The following SLC9D1 variants were observed in gnomAD, a reference collection of about 807,000 sequenced individuals.
SLC9D1 encodes putative LAG1-interacting protein.
At chr13:113,503,669 T>A in the SLC9D1 span, 1 of 794,874 alleles carries the variant, frequency 1.3e-6, no homozygotes, top group Non-Finnish European at 2.1e-6. Context: ...TAACACTTGT[T>A]GATGAATTCA....
chr13:113,547,346 G>C, the SLC9D1 span: 3 of 1,614,188 alleles, frequency 1.9e-6, no homozygotes, highest in Non-Finnish European at 2.5e-6. Context: ...TCACGGTGCT[G>C]GTGTTCCTCA....
chr13:113,520,271 G>A, the SLC9D1 span, among the ~76,000 whole-genome samples: 2 of 152,120 alleles, frequency 1.3e-5, no homozygotes, highest in East Asian at 1.9e-4. Flanking sequence ...GGATCACAAG[G>A]TCAGGAGTTT....
chr13:113,494,363 G>A, the SLC9D1 span, among the ~76,000 whole-genome samples: 4 of 151,950 alleles, frequency 2.6e-5, no homozygotes, highest in Non-Finnish European at 5.9e-5. Context: ...CTCTCAGCTC[G>A]TTCTGCCTTA....
At chr13:113,549,263 C>A in the SLC9D1 span, among the ~76,000 whole-genome samples, 3 of 151,704 alleles carry the variant, frequency 2.0e-5, no homozygotes. Flanking sequence ...CCCACCCCCC[C>A]GTGCAGGCAT....
chr13:113,519,044 C>CTT, the SLC9D1 span, among the ~76,000 whole-genome samples: 140 of 135,678 alleles, frequency 1.0e-3, no homozygotes, highest in Non-Finnish European at 1.8e-3. Flanking sequence ...ATAACAGTAG[C>CTT]TTTTTTTTTT....
At chr13:113,507,961 G>A in the SLC9D1 span, among the ~76,000 whole-genome samples, 1 of 152,246 alleles carries the variant, frequency 6.6e-6, no homozygotes, top group Non-Finnish European at 1.5e-5. Flanking sequence ...GCCATCTGGG[G>A]GGCTTGGTAA....
chr13:113,529,211 T>G, the SLC9D1 span: 1 of 152,242 alleles, frequency 6.6e-6, no homozygotes, highest in Non-Finnish European at 1.5e-5. Flanking sequence ...CCGAAATTGT[T>G]CTAATTCAGT....
chr13:113,513,654 G>C, the SLC9D1 span, among the ~76,000 whole-genome samples: 25 of 152,264 alleles, frequency 1.6e-4, no homozygotes, highest in African/African-American at 5.5e-4. Flanking sequence ...TATCAAAAGA[G>C]AGCTGTGACC....
the SLC9D1 span, chr13:113,495,438 T>A: frequency 1.7e-6 from 1 of 592,256 alleles, no homozygotes; most frequent in Non-Finnish European, 2.9e-6. Context: ...ATCTGATTAT[T>A]TAATACTCTG....
chr13:113,503,451 T>C, the SLC9D1 span: 6 of 1,479,336 alleles, frequency 4.1e-6, no homozygotes, highest in South Asian at 6.9e-5. Context: ...ATACTTAATA[T>C]GTTAAACATG....
chr13:113,533,611 T>A, the SLC9D1 span, among the ~76,000 whole-genome samples: 1 of 152,192 alleles, frequency 6.6e-6, no homozygotes, highest in Non-Finnish European at 1.5e-5. Context: ...GACACAGACC[T>A]CAGAGCTGGC....
At chr13:113,549,112 T>C in the SLC9D1 span, among the ~76,000 whole-genome samples, 2 of 152,142 alleles carry the variant, frequency 1.3e-5, no homozygotes, top group Non-Finnish European at 2.9e-5. Context: ...GCATCACTGA[T>C]CTTGAAATCA....
the SLC9D1 span, among the ~76,000 whole-genome samples, chr13:113,509,799 A>T: frequency 1.3e-5 from 2 of 152,184 alleles, no homozygotes; most frequent in African/African-American, 4.8e-5. Context: ...GGTTTAACAC[A>T]GTGCTGAGTG....
At chr13:113,523,019 A>G in the SLC9D1 span, among the ~76,000 whole-genome samples, 1 of 152,136 alleles carries the variant, frequency 6.6e-6, no homozygotes, top group African/African-American at 2.4e-5. Context: ...CCGTTGGTTT[A>G]GGTATATAAT....
the SLC9D1 span, among the ~76,000 whole-genome samples, chr13:113,513,862 C>T: frequency 6.6e-6 from 1 of 151,998 alleles, no homozygotes. Context: ...GAATAGGCAA[C>T]ATTAATTTGA....
the SLC9D1 span, among the ~76,000 whole-genome samples, chr13:113,517,359 A>G: frequency 6.6e-6 from 1 of 152,060 alleles, no homozygotes; most frequent in Non-Finnish European, 1.5e-5. Flanking sequence ...CAGCCTCCCG[A>G]GTAGCTGGGA....
At chr13:113,517,379 C>T in the SLC9D1 span, among the ~76,000 whole-genome samples, 2 of 151,998 alleles carry the variant, frequency 1.3e-5, no homozygotes, top group East Asian at 1.9e-4. Flanking sequence ...ACTACAGGCG[C>T]CCGCCACCAC....
chr13:113,507,175 G>C, the SLC9D1 span, among the ~76,000 whole-genome samples: 1 of 152,082 alleles, frequency 6.6e-6, no homozygotes, highest in South Asian at 2.1e-4. Context: ...ACCCGTTGCC[G>C]AGCCTGTGCT....
chr13:113,523,050 T>C, the SLC9D1 span, among the ~76,000 whole-genome samples: 1 of 152,176 alleles, frequency 6.6e-6, no homozygotes, highest in Non-Finnish European at 1.5e-5. Context: ...CATTGCTGCC[T>C]TCAGTTTGCT....
Sources: gnomAD v4.1 joint callset for allele counts (sites outside exome capture counted in the v4.1 genomes callset) on GRCh38, gnomAD v4.1.1 for gene constraint, MANE v1.5 for transcripts, NCBI Gene and HGNC (gene_info 2026-07-23, HGNC 2026-07-21) for gene names.